The following SLC30A5 variants were observed in gnomAD, a reference collection of about 807,000 sequenced individuals.
SLC30A5 encodes the protein proton-coupled zinc antiporter SLC30A5.
A neutral mutation model predicts 79.6 loss-of-function variants in SLC30A5; 33 were observed. The observed-to-expected ratio is 0.41, with a 90% CI of 0.31 to 0.55. SLC30A5 has a LOEUF of 0.55. Among genes scored for constraint, SLC30A5 ranks in the 20% least tolerant of loss-of-function variants. The pLI is 0.20. For missense variants in SLC30A5, 788 were observed against 928.1 expected (o/e 0.85, Z 1.96); for synonymous variants, 299 against 319.7 (o/e 0.94, Z 0.69).
At chr5:69,114,921 G>A (rs1434784821) in intron 7 of SLC30A5, among the ~76,000 whole-genome samples, 1 of 152,064 alleles carries the variant, frequency 6.6e-6, no homozygotes, top group Non-Finnish European at 1.5e-5. Flanking sequence ...GGCCATTTAA[G>A]TAGTTACGTA....
At chr5:69,122,795 A>G (rs10940200) in intron 13 of SLC30A5, among the ~76,000 whole-genome samples, 32,896 of 152,126 alleles carry the variant, frequency 0.22, 3,820 homozygotes, top group East Asian at 0.34. Flanking sequence ...CCTTCATTAC[A>G]AAAAGGAAAT....
chr5:69,116,334 T>G lies in SLC30A5; in HGVS notation c.1073-60T>G. 1 of 1,507,536 alleles carries G rather than the reference T, an allele frequency of 6.6e-7. No individual in the cohort carries two copies. Among genetic ancestry groups the G allele is most frequent in the Non-Finnish European group, 8.9e-7 (1 of 1,123,234 alleles). 93.4% of individuals were successfully genotyped at this position (1,507,536 alleles called of 1,614,324 possible). On this transcript the variant is annotated intron_variant, in intron 9 of 15. Coordinates refer to ENST00000396591, the MANE Select transcript of SLC30A5 (RefSeq NM_022902.5). The surrounding 1 kb of genome is among the most constrained non-coding windows in gnomAD (Gnocchi z 4.0). The stretch of plus-strand genomic sequence containing the variant: ...TTGCATTTAGTGCCGACAGTTACTG[T>G]GTTGGTTTTGGTAGCTTAAACTTCG...
intron 5 of SLC30A5, among the ~76,000 whole-genome samples, chr5:69,111,302 T>G (rs1223370171): frequency 1.5e-5 from 2 of 134,184 alleles, no homozygotes; most frequent in Non-Finnish European, 3.2e-5. Context: ...TTTTTTTTTC[T>G]TTTTCTTTTT....
intron 1 of SLC30A5, 87 bp downstream of exon 1, chr5:69,094,425 C>T (rs1459140454): frequency 1.1e-5 from 13 of 1,218,532 alleles, no homozygotes; most frequent in African/African-American, 1.6e-5. Context: ...GCTGACAGCC[C>T]GGGACGTCCC....
rs765482529 is a variant in SLC30A5, at chr5:69,116,003, C to T, written c.861C>T (p.Tyr287=). 14 of 1,613,928 alleles carry T rather than the reference C, an allele frequency of 8.7e-6. No individual in the cohort carries two copies. The highest frequency in any genetic ancestry group is 1.7e-4 in the Middle Eastern group (1 of 6,060). The change falls in exon 9 of 16, where the codon TAC becomes TAT. Residue 287 remains tyrosine (Y), a synonymous_variant. Coordinates refer to ENST00000396591, the MANE Select transcript of SLC30A5 (RefSeq NM_022902.5). The surrounding 1 kb of genome is among the most constrained non-coding windows in gnomAD (Gnocchi z 4.0). The part of the protein sequence containing the change: ...VIFFVMILDF[Y]VDSICSVKME... ...TTTTTGTCATGATCCTGGATTTCTA[C>T]GTGGATTCCATTTGTTCAGTCAAAA...
At position 69,128,109 on chromosome 5, in the gene SLC30A5, C is replaced by G; in HGVS notation, c.2104C>G (p.Leu702Val). Reference protein sequence around the residue: ...TIHIQVTSDVLEQRIVQQVTG... With the variant: ...TIHIQVTSDVVEQRIVQQVTG... The stretch of plus-strand genomic sequence containing the variant: ...TCATATACAGGTGACATCTGATGTG[C>G]TAGAACAAAGAATAGTACAGCAGGT... Residue 702 changes from leucine to valine, a missense_variant, in exon 15 of 16, where the codon CTA becomes GTA. Transcript: ENST00000396591. 1 of 1,611,000 alleles carries G rather than the reference C, an allele frequency of 6.2e-7. No homozygotes were observed. The highest frequency in any genetic ancestry group is 1.1e-5 in the South Asian group (1 of 90,690).
chr5:69,111,756 T>C (rs1273011869), intron 5 of SLC30A5, among the ~76,000 whole-genome samples: 2 of 152,188 alleles, frequency 1.3e-5, no homozygotes, highest in African/African-American at 4.8e-5. Context: ...AAGTACATGG[T>C]TTTTCTCATG....
intron 5 of SLC30A5, among the ~76,000 whole-genome samples, chr5:69,110,220 G>A (rs1307843141): frequency 1.3e-5 from 2 of 152,066 alleles, no homozygotes; most frequent in Admixed American, 1.3e-4. Context: ...AAAACCCCCA[G>A]CCTTCCAAGA....
chr5:69,095,544 A>C (rs1350516882), intron 1 of SLC30A5, among the ~76,000 whole-genome samples: 1 of 152,192 alleles, frequency 6.6e-6, no homozygotes, highest in Non-Finnish European at 1.5e-5. Context: ...CACATAGGAC[A>C]GAACTTAAAC....
intron 6 of SLC30A5, 83 bp from the exon 7 acceptor site, chr5:69,114,337 T>C: frequency 1.2e-6 from 1 of 800,660 alleles, no homozygotes; most frequent in Non-Finnish European, 2.2e-6. Context: ...CAATCCAAAA[T>C]AATGTAACTA....
chr5:69,096,545 G>A (rs949825855), intron 1 of SLC30A5, among the ~76,000 whole-genome samples: 3 of 152,112 alleles, frequency 2.0e-5, no homozygotes, highest in Non-Finnish European at 4.4e-5. Context: ...AAGAGTAAAG[G>A]AAGGATGAGG....
chr5:69,105,154 A>G (rs893100800), intron 4 of SLC30A5, among the ~76,000 whole-genome samples: 1 of 152,230 alleles, frequency 6.6e-6, no homozygotes, highest in Non-Finnish European at 1.5e-5. Flanking sequence ...CAGAAGTAGT[A>G]TATCAATTAT....
intron 13 of SLC30A5, among the ~76,000 whole-genome samples, chr5:69,122,138 G>A (rs1746552904): frequency 6.6e-6 from 1 of 152,174 alleles, no homozygotes; most frequent in Non-Finnish European, 1.5e-5. Context: ...GTTCACGCCT[G>A]TTAATCCCAG....
chr5:69,100,118 G>C (rs561064036), intron 1 of SLC30A5, among the ~76,000 whole-genome samples: 10 of 152,068 alleles, frequency 6.6e-5, no homozygotes, highest in Non-Finnish European at 1.5e-4. Context: ...ACAGGCACCC[G>C]CCACCACGCC....
intron 4 of SLC30A5, among the ~76,000 whole-genome samples, chr5:69,107,504 CA>C (rs1393247339): frequency 2.0e-5 from 3 of 151,998 alleles, no homozygotes; most frequent in Non-Finnish European, 4.4e-5. Context: ...CATTTATTAT[CA>C]TTATCAAGTC....
chr5:69,101,717 G>A (rs897629570), intron 2 of SLC30A5, among the ~76,000 whole-genome samples: 1 of 151,672 alleles, frequency 6.6e-6, no homozygotes, highest in Admixed American at 6.6e-5. Context: ...AGCACTTTGG[G>A]AGGCGGAGGC....
chr5:69,128,624 A>G (rs1017265822), intron 15 of SLC30A5, among the ~76,000 whole-genome samples: 6 of 152,146 alleles, frequency 3.9e-5, no homozygotes, highest in Non-Finnish European at 8.8e-5. Context: ...TTTTATATCT[A>G]AAAATTGCTA....
chr5:69,104,176 C>A, intron 3 of SLC30A5: 1 of 1,136,752 alleles, frequency 8.8e-7, no homozygotes, highest in Non-Finnish European at 1.2e-6. Flanking sequence ...CTTGCTCCAT[C>A]GCCCAGGCTG....
Position 69,129,670 on chromosome 5 carries a change from G to T in SLC30A5, c.*53G>T. On this transcript the variant is annotated 3_prime_UTR_variant, in exon 16 of 16. Coordinates refer to ENST00000396591, the MANE Select transcript of SLC30A5 (RefSeq NM_022902.5). The stretch of plus-strand genomic sequence containing the variant: ...TAAACAATGAAGATTAAATGACTCA[G>T]TATTTGTAATATTGCCAGAAGGATA... 6.7e-7 allele frequency: 1 copy of T among 1,481,740 alleles called. No homozygotes were observed. 91.8% of individuals were successfully genotyped at this position (1,481,740 alleles called of 1,614,324 possible). A position where few individuals can be genotyped will look rare whatever the true frequency, so the allele number is the denominator to read the frequency against.
Sources: gnomAD v4.1 joint callset for allele counts (sites outside exome capture counted in the v4.1 genomes callset) on GRCh38, gnomAD v4.1.1 for gene constraint, Gnocchi (gnomAD v3.1) non-coding constraint, MANE v1.5 for transcripts, NCBI Gene and HGNC (gene_info 2026-07-23, HGNC 2026-07-21) for gene names.